The following HK1 variants were observed in gnomAD, a reference collection of about 807,000 sequenced individuals.
HK1 encodes the protein hexokinase 1.
In HK1, 28 loss-of-function variants were observed where a neutral mutation model predicts 91.6. That is an observed-to-expected ratio of 0.31 (90% CI 0.23 to 0.42). HK1 has a LOEUF of 0.42. Among genes scored for constraint, HK1 ranks in the 10% least tolerant of loss-of-function variants. HK1 has a pLI of 1.00. For missense variants in HK1, 770 were observed against 1,219.8 expected, an observed-to-expected ratio of 0.63 and a Z score of 5.49; for synonymous variants, 430 against 468.1, an observed-to-expected ratio of 0.92 and a Z score of 1.05.
chr10:69,354,387 T>C (rs913656196), intron 2 of HK1, among the ~76,000 whole-genome samples: 13 of 152,256 alleles, frequency 8.5e-5, no homozygotes, highest in African/African-American at 2.9e-4. Context: ...TCAGGAAACT[T>C]ACAATCATGG....
At chr10:69,304,103 G>A (rs898815668) in intron 5 of HK1, among the ~76,000 whole-genome samples, 1 of 152,056 alleles carries the variant, frequency 6.6e-6, no homozygotes, top group African/African-American at 2.4e-5. Context: ...GTAATCCCCA[G>A]GATCAATTTG....
intron 2 of HK1, among the ~76,000 whole-genome samples, chr10:69,349,953 T>C (rs1359276470): frequency 1.3e-5 from 2 of 152,242 alleles, no homozygotes; most frequent in African/African-American, 4.8e-5. Flanking sequence ...TAGGGATTCA[T>C]CTGTCTCTTA....
In HK1 at chr10:69,336,806, A is replaced by AT. The variant is rs560536878; in HGVS notation, c.64-7013dup. On this transcript the variant is annotated intron_variant, in intron 1 of 17. Coordinates refer to ENST00000359426, the MANE Select transcript of HK1 (RefSeq NM_000188.3). ...AGGCATCTGCCACCACACCCGGCTAATTTTTTTTGTATTTTTAGTAGAGTT... is the reference window on the plus strand; with the variant it reads ...AGGCATCTGCCACCACACCCGGCTAATTTTTTTTTGTATTTTTAGTAGAGTT... Among the ~76,000 whole-genome samples, 794 of 150,932 alleles carry AT rather than the reference A, an allele frequency of 5.3e-3. 4 individuals are homozygous for AT. Among genetic ancestry groups the AT allele is most frequent in the Non-Finnish European group, 8.5e-3 (573 of 67,628 alleles).
chr10:69,394,081 T>TC (rs1298891169), intron 15 of HK1, among the ~76,000 whole-genome samples: 1 of 152,228 alleles, frequency 6.6e-6, no homozygotes, highest in Admixed American at 6.5e-5. Flanking sequence ...TTCATGTTCT[T>TC]CCATGGACCA....
At chr10:69,354,397 G>A (rs1434579110) in intron 2 of HK1, among the ~76,000 whole-genome samples, 2 of 152,210 alleles carry the variant, frequency 1.3e-5, no homozygotes, top group African/African-American at 2.4e-5. Flanking sequence ...TACAATCATG[G>A]TGGAAGGAGA....
chr10:69,301,728 T>C (rs1458903767), intron 5 of HK1, among the ~76,000 whole-genome samples: 1 of 152,102 alleles, frequency 6.6e-6, no homozygotes, highest in Non-Finnish European at 1.5e-5. Flanking sequence ...TCTAAATTAA[T>C]GGAAAGACAT....
upstream of HK1, among the ~76,000 whole-genome samples, chr10:69,314,352 A>G (rs558986917): frequency 9.2e-5 from 14 of 152,288 alleles, no homozygotes; most frequent in Non-Finnish European, 1.0e-4. Flanking sequence ...CTTGGACATC[A>G]GCATTTGTAG....
chr10:69,351,304 T>G (rs1172974987), intron 2 of HK1, among the ~76,000 whole-genome samples: 4 of 151,658 alleles, frequency 2.6e-5, no homozygotes, highest in Non-Finnish European at 5.9e-5. Flanking sequence ...GGTCAGGAGT[T>G]TGAGACCAAC....
intron 5 of HK1, among the ~76,000 whole-genome samples, chr10:69,308,027 C>T (rs192731341): frequency 3.1e-4 from 47 of 152,038 alleles, no homozygotes; most frequent in Non-Finnish European, 4.7e-4. Flanking sequence ...TTAATAGAGA[C>T]GGGGTTTCAT....
At chr10:69,273,032 C>CTT (rs745403867) in intron 1 of HK1, among the ~76,000 whole-genome samples, 52 of 130,622 alleles carry the variant, frequency 4.0e-4, no homozygotes, top group South Asian at 1.2e-3. Flanking sequence ...TCTTTTTTAC[C>CTT]TTTTTTTTTT....
chr10:69,379,901 C>T lies in HK1; in HGVS notation c.1071C>T (p.Thr357=). ...TCCACAATGCCAAAGAAATCCTGAC[C>T]CGCCTGGGAGTGGAGCCGTCCGATG... ...EGLHNAKEIL[T]RLGVEPSDDD... is the part of the protein sequence containing the mutation. Residue 357 remains threonine, a synonymous_variant, in exon 9 of 18, where the codon ACC becomes ACT. Coordinates refer to ENST00000359426, the MANE Select transcript of HK1 (RefSeq NM_000188.3). 1.2e-6 allele frequency: 2 copies of T among 1,614,164 alleles called. No homozygotes were observed. Among genetic ancestry groups the T allele is most frequent in the Non-Finnish European group, 1.7e-6 (2 of 1,179,984 alleles).
In HK1 at chr10:69,386,655, A is replaced by G. The variant is rs1839648739; in HGVS notation, c.1935+237A>G. ...AAATTAGCCAGGCGTGGTGGTGCGC[A>G]CCTGTAGTCCCAGCTACTCGGGAGA... On this transcript the variant is annotated intron_variant, in intron 13 of 17. Coordinates refer to ENST00000359426, the MANE Select transcript of HK1 (RefSeq NM_000188.3). 1.0e-5 allele frequency: 4 copies of G among 387,210 alleles called. No homozygotes were observed. In the Admixed American group the frequency reaches 1.5e-4, roughly 14 times the overall value. The allele number at this position is 387,210 out of a possible 1,614,324, so 24.0% of individuals were successfully genotyped here.
chr10:69,376,180 T>C (rs1282055858), intron 7 of HK1, among the ~76,000 whole-genome samples: 2 of 152,144 alleles, frequency 1.3e-5, no homozygotes, highest in Non-Finnish European at 2.9e-5. Flanking sequence ...ATGGGGAGAA[T>C]ACTTCCTGGC....
chr10:69,325,178 A>G (rs928862137), intron 1 of HK1, among the ~76,000 whole-genome samples: 13 of 148,758 alleles, frequency 8.7e-5, no homozygotes, highest in Non-Finnish European at 1.6e-4. Flanking sequence ...CAGCCTCCTG[A>G]GTAGCTGGGA....
At chr10:69,338,646 A>G (rs1423222887) in intron 1 of HK1, 16 of 1,287,680 alleles carry the variant, frequency 1.2e-5, no homozygotes, top group Non-Finnish European at 1.6e-5. Flanking sequence ...TGGAGGCAGC[A>G]CCTAAGAGAA....
At chr10:69,285,348 C>T (rs1159960219) in intron 2 of HK1, among the ~76,000 whole-genome samples, 3 of 151,916 alleles carry the variant, frequency 2.0e-5, no homozygotes, top group Admixed American at 6.6e-5. Context: ...GGCGTGCACT[C>T]GGGAGGCGGA....
intron 2 of HK1, among the ~76,000 whole-genome samples, chr10:69,348,763 T>C (rs1052239921): frequency 6.6e-6 from 1 of 151,032 alleles, no homozygotes; most frequent in African/African-American, 2.4e-5. Flanking sequence ...TGAGCTGAGA[T>C]CACGCCACTG....
chr10:69,367,048 G>T (rs779213772), intron 4 of HK1, among the ~76,000 whole-genome samples: 25 of 152,232 alleles, frequency 1.6e-4, no homozygotes, highest in Non-Finnish European at 5.9e-5. Context: ...TGTTCCCCAT[G>T]AAGGTGCAGC....
chr10:69,279,947 T>C (rs577624690), intron 1 of HK1, among the ~76,000 whole-genome samples: 2 of 152,200 alleles, frequency 1.3e-5, no homozygotes, highest in Non-Finnish European at 2.9e-5. Flanking sequence ...TATTTTATAC[T>C]TTGGTTGATC....
Sources: gnomAD v4.1 joint callset for allele counts (sites outside exome capture counted in the v4.1 genomes callset) on GRCh38, gnomAD v4.1.1 for gene constraint, MANE v1.5 for transcripts, NCBI Gene and HGNC (gene_info 2026-07-23, HGNC 2026-07-21) for gene names.